Variants in CNTLN observed in about 807,000 individuals in gnomAD.
CNTLN encodes the protein centlein, also known as centlein, centrosomal protein.
In CNTLN, 212 loss-of-function variants were observed where a neutral mutation model predicts 180.0. That is an observed-to-expected ratio of 1.18 (90% CI 1.05 to 1.32). The LOEUF (loss-of-function observed/expected upper bound fraction) is 1.32. CNTLN is among the 40% of genes most tolerant of loss of function. CNTLN has a pLI of 0.00. For synonymous variants in CNTLN, 722 were observed against 563.1 expected, an observed-to-expected ratio of 1.28 and a Z score of -3.99; for missense variants, 2,095 against 1,610.9, an observed-to-expected ratio of 1.30 and a Z score of -5.14.
the CNTLN span, among the ~76,000 whole-genome samples, chr9:17,510,759 C>A: frequency 1.3e-5 from 2 of 152,190 alleles, no homozygotes; most frequent in African/African-American, 4.8e-5. Flanking sequence ...CTGTCTGTTT[C>A]CCCATGTTGG....
the CNTLN span, among the ~76,000 whole-genome samples, chr9:17,519,157 G>A: frequency 6.6e-6 from 1 of 151,308 alleles, no homozygotes; most frequent in Non-Finnish European, 1.5e-5. Context: ...CAAACTCTTG[G>A]GCTGAGGCAT....
the CNTLN span, among the ~76,000 whole-genome samples, chr9:17,517,946 A>G: frequency 1.4e-5 from 2 of 147,780 alleles, no homozygotes; most frequent in Non-Finnish European, 3.0e-5. Flanking sequence ...ATTTCCTTTA[A>G]CCACCCCCCA....
intron 15 of CNTLN, among the ~76,000 whole-genome samples, chr9:17,404,918 A>G (rs10963085): frequency 0.076 from 11,529 of 151,488 alleles, 601 homozygotes; most frequent in East Asian, 0.18. Flanking sequence ...TTGTATTTTT[A>G]GTAGAAATGG....
intron 18 of CNTLN, among the ~76,000 whole-genome samples, chr9:17,453,827 T>G (rs1018511231): frequency 1.4e-4 from 21 of 152,306 alleles, no homozygotes; most frequent in African/African-American, 4.6e-4. Flanking sequence ...ACATGGCAAC[T>G]TACTTCTTTA....
chr9:17,358,232 A>G (rs1823006770), intron 12 of CNTLN, among the ~76,000 whole-genome samples: 1 of 152,076 alleles, frequency 6.6e-6, no homozygotes, highest in African/African-American at 2.4e-5. Flanking sequence ...TCTCTTAGTG[A>G]TAGATACAAA....
At chr9:17,281,755 T>C (rs1480339397) in intron 6 of CNTLN, among the ~76,000 whole-genome samples, 1 of 152,168 alleles carries the variant, frequency 6.6e-6, no homozygotes, top group Non-Finnish European at 1.5e-5. Flanking sequence ...ATAACACGTG[T>C]ATGTATCTTT....
At chr9:17,373,916 C>T (rs1018395709) in intron 13 of CNTLN, among the ~76,000 whole-genome samples, 3 of 152,094 alleles carry the variant, frequency 2.0e-5, no homozygotes, top group Admixed American at 1.3e-4. Flanking sequence ...TATTCATATG[C>T]GTAAGAATGA....
intron 25 of CNTLN, among the ~76,000 whole-genome samples, chr9:17,487,517 C>T (rs898115564): frequency 1.3e-5 from 2 of 152,262 alleles, no homozygotes; most frequent in African/African-American, 2.4e-5. Flanking sequence ...ACTGTGTCTT[C>T]CCGCATTCTC....
intron 13 of CNTLN, among the ~76,000 whole-genome samples, chr9:17,386,679 C>G (rs1271753102): frequency 6.6e-6 from 1 of 152,200 alleles, no homozygotes; most frequent in Non-Finnish European, 1.5e-5. Context: ...GTTAGCCAAT[C>G]TACCAGTGGA....
At chr9:17,163,576 T>C (rs1393473935) in intron 2 of CNTLN, among the ~76,000 whole-genome samples, 1 of 152,210 alleles carries the variant, frequency 6.6e-6, no homozygotes, top group Non-Finnish European at 1.5e-5. Context: ...GAGGACCATA[T>C]TGTGCATATT....
chr9:17,334,333 T>C (rs1016818995), intron 10 of CNTLN, among the ~76,000 whole-genome samples: 1 of 152,126 alleles, frequency 6.6e-6, no homozygotes, highest in Non-Finnish European at 1.5e-5. Context: ...GTGCTGGGAT[T>C]ACAGGCGCGA....
At chr9:17,375,709 T>A (rs1454483012) in intron 13 of CNTLN, among the ~76,000 whole-genome samples, 1 of 152,164 alleles carries the variant, frequency 6.6e-6, no homozygotes, top group Non-Finnish European at 1.5e-5. Flanking sequence ...GTTCGTATCT[T>A]TTTTCCTGGA....
chr9:17,147,704 C>A (rs2815179), intron 2 of CNTLN, among the ~76,000 whole-genome samples: 49,707 of 151,890 alleles, frequency 0.33, 10,004 homozygotes, highest in East Asian at 0.59. Flanking sequence ...TAGCTCATCC[C>A]CTCAGAAAGA....
intron 25 of CNTLN, 88 bp from the exon 26 acceptor site, chr9:17,502,463 A>C: frequency 1.6e-6 from 1 of 624,750 alleles, no homozygotes; most frequent in Non-Finnish European, 2.7e-6. Flanking sequence ...GCAGACATCT[A>C]ACTTCTAATG....
chr9:17,509,882 C>G, the CNTLN span, among the ~76,000 whole-genome samples: 1 of 152,090 alleles, frequency 6.6e-6, no homozygotes, highest in Admixed American at 6.5e-5. Context: ...TTTCATTGCA[C>G]TGGAATTTAA....
At chr9:17,325,410 G>GTA (rs1820212728) in intron 8 of CNTLN, among the ~76,000 whole-genome samples, 1 of 126,682 alleles carries the variant, frequency 7.9e-6, no homozygotes, top group African/African-American at 2.8e-5. Flanking sequence ...GTGTGTGTGT[G>GTA]TGTATGTATA....
chr9:17,478,491 T>C (rs976661862), intron 23 of CNTLN, among the ~76,000 whole-genome samples: 1 of 152,104 alleles, frequency 6.6e-6, no homozygotes, highest in East Asian at 1.9e-4. Flanking sequence ...ACCAGTGTCA[T>C]AGAGATTTTT....
chr9:17,261,906 T>G (rs1427915946), intron 5 of CNTLN, among the ~76,000 whole-genome samples: 1 of 151,544 alleles, frequency 6.6e-6, no homozygotes, highest in Non-Finnish European at 1.5e-5. Context: ...CATCAAAAAG[T>G]AGGCGAAGGA....
At chr9:17,230,365 A>G (rs1302056420) in intron 3 of CNTLN, among the ~76,000 whole-genome samples, 1 of 152,116 alleles carries the variant, frequency 6.6e-6, no homozygotes, top group African/African-American at 2.4e-5. Context: ...TAATTATACA[A>G]TAGTCCCATT....
Sources: gnomAD v4.1 joint callset for allele counts (sites outside exome capture counted in the v4.1 genomes callset) on GRCh38, gnomAD v4.1.1 for gene constraint, MANE v1.5 for transcripts, NCBI Gene and HGNC (gene_info 2026-07-23, HGNC 2026-07-21) for gene names.